Variants in XKR9 observed in about 807,000 individuals in gnomAD.
The protein encoded by XKR9 is XK related 9, also known as XK-related protein 9.
A neutral mutation model predicts 32.0 loss-of-function variants in XKR9; 32 were observed. The ratio of observed to expected loss-of-function variants is 1.00; its 90% confidence interval spans 0.76 to 1.34. The LOEUF is 1.34. Ranked by LOEUF, XKR9 falls within the 40% of genes most tolerant of loss-of-function variation. The probability of loss-of-function intolerance (pLI) is 0.00; values close to 1 mark genes in which losing one functional copy is unlikely to be tolerated. For missense variants in XKR9, 546 were observed against 429.7 expected, an observed-to-expected ratio of 1.27 and a Z score of -2.39; for synonymous variants, 168 against 143.4, an observed-to-expected ratio of 1.17 and a Z score of -1.22.
the XKR9 span, among the ~76,000 whole-genome samples, chr8:70,922,715 G>C: frequency 2.0e-5 from 3 of 152,156 alleles, no homozygotes; most frequent in Non-Finnish European, 2.9e-5. Context: ...ATCTCTCTCT[G>C]CTCTTGCCTT....
intron 2 of XKR9, among the ~76,000 whole-genome samples, chr8:70,769,499 G>A (rs1807424007): frequency 6.6e-6 from 1 of 151,954 alleles, no homozygotes; most frequent in African/African-American, 2.4e-5. Flanking sequence ...GCTAGATTGG[G>A]GAAGTTCTCC....
chr8:70,928,762 A>G, the XKR9 span, among the ~76,000 whole-genome samples: 5 of 152,018 alleles, frequency 3.3e-5, no homozygotes, highest in South Asian at 1.0e-3. Flanking sequence ...GCTTGTTCTC[A>G]TCTCCCAGCT....
intron 3 of XKR9, chr8:70,789,609 A>T (rs900131624): frequency 2.0e-5 from 3 of 152,038 alleles, no homozygotes; most frequent in African/African-American, 7.2e-5. Context: ...CTCTGCAGTG[A>T]TTTTCATTGA....
At chr8:70,683,984 G>T (rs1404393550) in intron 3 of XKR9, among the ~76,000 whole-genome samples, 5 of 152,092 alleles carry the variant, frequency 3.3e-5, no homozygotes, top group Non-Finnish European at 7.4e-5. Flanking sequence ...ATATTTGATT[G>T]TTTTTTGGTT....
intron 4 of XKR9, among the ~76,000 whole-genome samples, chr8:70,732,728 A>G (rs770500971): frequency 1.3e-5 from 2 of 152,194 alleles, no homozygotes; most frequent in Non-Finnish European, 2.9e-5. Flanking sequence ...GTATGCTAAA[A>G]CCAAGAGAGC....
At chr8:70,836,506 C>A in the XKR9 span, among the ~76,000 whole-genome samples, 1 of 151,946 alleles carries the variant, frequency 6.6e-6, no homozygotes, top group Admixed American at 6.6e-5. Context: ...TTGCATGTAC[C>A]AGGAATTTGT....
Position 70,681,278 on chromosome 8 carries a change from A to G in XKR9, c.220A>G (p.Ser74Gly), listed in dbSNP as rs778634748. Residue 74 changes from serine (S) to glycine (G), a missense_variant, in exon 3 of 5, where the codon AGT becomes GGT. By Grantham distance (56) the Ser-to-Gly change is moderately conservative. Coordinates refer to ENST00000408926, the MANE Select transcript of XKR9 (RefSeq NM_001011720.2). Reference sequence around the variant, plus strand: ...TGATTTAAAGAAAGCAGGCCAAGAAAGTCAGCATTGTTTTCTTCTACTTCA... The same window carrying G: ...TGATTTAAAGAAAGCAGGCCAAGAAGGTCAGCATTGTTTTCTTCTACTTCA... ...KADLKKAGQE[S>G]QHCFLLLHCL... The G allele has an allele frequency of 3.7e-6, 6 of 1,613,414 alleles. No homozygotes were observed. In the East Asian group the frequency reaches 6.7e-5, roughly 18 times the overall value.
chr8:70,755,660 C>T (rs532693721), intron 2 of XKR9, among the ~76,000 whole-genome samples: 88 of 144,466 alleles, frequency 6.1e-4, no homozygotes, highest in Non-Finnish European at 1.1e-3. Flanking sequence ...ATCGGAAGGA[C>T]AAAAAACCAA....
intron 3 of XKR9, among the ~76,000 whole-genome samples, chr8:70,700,286 C>T (rs1373438931): frequency 2.0e-5 from 3 of 152,188 alleles, no homozygotes; most frequent in East Asian, 3.9e-4. Context: ...AGTTTTTCTG[C>T]TCTGTTTTTT....
the XKR9 span, among the ~76,000 whole-genome samples, chr8:71,038,862 T>C: frequency 1.4e-5 from 2 of 147,584 alleles, no homozygotes; most frequent in East Asian, 4.1e-4. Flanking sequence ...TGGAGTGCAG[T>C]GGCACAATCT....
the XKR9 span, among the ~76,000 whole-genome samples, chr8:70,819,026 G>T: frequency 9.2e-5 from 14 of 152,296 alleles, no homozygotes; most frequent in South Asian, 2.7e-3. Flanking sequence ...TGCAGTCAAA[G>T]CTGGTTAAAA....
At chr8:70,892,967 G>A in the XKR9 span, among the ~76,000 whole-genome samples, 1,379 of 152,018 alleles carry the variant, frequency 9.1e-3, 8 homozygotes, top group Non-Finnish European at 0.015. Flanking sequence ...TGGAACTCCC[G>A]TAATACCAAC....
downstream of XKR9, among the ~76,000 whole-genome samples, chr8:70,738,889 A>C (rs1474485749): frequency 9.2e-5 from 14 of 152,274 alleles, no homozygotes; most frequent in Middle Eastern, 3.4e-3. Flanking sequence ...TTTACTTCCA[A>C]GTATGTGGTC....
chr8:70,932,125 C>T, the XKR9 span, among the ~76,000 whole-genome samples: 4 of 151,936 alleles, frequency 2.6e-5, no homozygotes. Flanking sequence ...GACATGGTCT[C>T]TTCCCATGAG....
chr8:70,966,731 C>A, the XKR9 span, among the ~76,000 whole-genome samples: 1 of 151,980 alleles, frequency 6.6e-6, no homozygotes, highest in South Asian at 2.1e-4. Flanking sequence ...TTAAAGTCTC[C>A]CAATATTATT....
chr8:70,968,648 G>A, the XKR9 span, among the ~76,000 whole-genome samples: 1 of 151,894 alleles, frequency 6.6e-6, no homozygotes, highest in Non-Finnish European at 1.5e-5. Context: ...TGATGTTGTT[G>A]TTGTTGCTTT....
At chr8:70,695,879 G>A (rs1805254486) in intron 3 of XKR9, among the ~76,000 whole-genome samples, 1 of 150,850 alleles carries the variant, frequency 6.6e-6, no homozygotes, top group Non-Finnish European at 1.5e-5. Flanking sequence ...TCTAACTGGT[G>A]TGAGATGGTA....
chr8:71,065,216 A>C, the XKR9 span, among the ~76,000 whole-genome samples: 1 of 152,224 alleles, frequency 6.6e-6, no homozygotes, highest in Admixed American at 6.5e-5. Context: ...CCTAACCCCC[A>C]ATGTGACTGC....
chr8:70,747,647 A>G (rs1474273950), intron 2 of XKR9, among the ~76,000 whole-genome samples: 1 of 152,178 alleles, frequency 6.6e-6, no homozygotes, highest in East Asian at 1.9e-4. Context: ...TAAATTATCC[A>G]GTTTGAGGTA....
Sources: allele counts gnomAD v4.1 joint callset (sites outside exome capture counted in the v4.1 genomes callset), GRCh38; gene constraint gnomAD v4.1.1; transcripts MANE v1.5; gene names NCBI Gene and HGNC (gene_info 2026-07-23, HGNC 2026-07-21).